Variants in SEPTIN9 observed in about 807,000 individuals in gnomAD.
SEPTIN9 encodes the protein septin 9.
In SEPTIN9, 13 loss-of-function variants were observed where a neutral mutation model predicts 56.6. That is an observed-to-expected ratio of 0.23 (90% confidence interval 0.15 to 0.37). The LOEUF (loss-of-function observed/expected upper bound fraction) is 0.37. Among genes scored for constraint, SEPTIN9 ranks in the 10% least tolerant of loss-of-function variants. The pLI, the probability that SEPTIN9 is intolerant of heterozygous loss-of-function variation, is 1.00. For missense variants in SEPTIN9, 650 were observed against 823.1 expected (o/e 0.79, Z 2.57); for synonymous variants, 332 against 334.1 (o/e 0.99, Z 0.07).
chr17:77,382,221 G>A (rs893367347), intron 2 of SEPTIN9, among the ~76,000 whole-genome samples: 6 of 152,118 alleles, frequency 3.9e-5, no homozygotes, highest in South Asian at 2.1e-4. Flanking sequence ...TAGAGACAAG[G>A]TTTCATCCTG....
Position 77,451,345 on chromosome 17 carries a change from C to T in SEPTIN9, c.722-30799C>T. The stretch of plus-strand genomic sequence containing the variant: ...TCGCCCTGCCCCCTTGGAGCAATTC[C>T]CCACCGAGCCTCCCTTCCCAGGCAG... On this transcript the variant is annotated intron_variant, in intron 3 of 11. Coordinates refer to ENST00000427177, the MANE Select transcript of SEPTIN9 (RefSeq NM_001113491.2). The surrounding 1 kb of genome is among the most constrained non-coding windows in gnomAD (Gnocchi z 4.2). 1.0e-6 allele frequency: 1 copy of T among 985,814 alleles called. No homozygotes were observed. Among genetic ancestry groups the T allele is most frequent in the Non-Finnish European group, 1.2e-6 (1 of 830,058 alleles). The allele number at this position is 985,814 out of a possible 1,614,324, so 61.1% of individuals were successfully genotyped here.
intron 1 of SEPTIN9, chr17:77,288,289 C>A (rs1366438790): frequency 1.1e-6 from 1 of 894,924 alleles, no homozygotes; most frequent in Non-Finnish European, 1.4e-6. Flanking sequence ...TGGCCGGGGC[C>A]CTCTGCTTTT....
intron 3 of SEPTIN9, among the ~76,000 whole-genome samples, chr17:77,444,102 G>A (rs991049274): frequency 3.9e-5 from 6 of 152,156 alleles, no homozygotes; most frequent in African/African-American, 1.4e-4. Flanking sequence ...GATTTTAGGT[G>A]GGGTTTGCGA....
In SEPTIN9 at chr17:77,402,245, C is replaced by T. The variant is rs775564155; in HGVS notation, c.263C>T (p.Ala88Val). The part of the protein sequence containing the change: ...VDSLSQRSPK[A>V]SLRRVELSGP... ...TCCCTAAGCCAACGCTCCCCCAAGG[C>T]GTCCCTGCGGAGGGTGGAGCTCTCG... Residue 88 changes from alanine (A) to valine (V), a missense_variant, in exon 3 of 12, where the codon GCG (alanine) becomes GTG (valine). Physicochemically the swap from Ala to Val is moderately conservative, Grantham distance 64 (BLOSUM62 0). This residue lies in a region of SEPTIN9 where 317 missense variants were observed against 329.1 expected (regional missense o/e 0.96). Transcript: ENST00000427177. This position sits in a 1 kb window ranked among gnomAD's most constrained non-coding sequence, Gnocchi z 6.6. 3.1e-5 allele frequency: 50 copies of T among 1,613,148 alleles called. No homozygotes were observed. The South Asian group carries it at 4.5e-4, about 15-fold the overall frequency.
chr17:77,481,492 C>T (rs2039454107), intron 3 of SEPTIN9, among the ~76,000 whole-genome samples: 1 of 151,158 alleles, frequency 6.6e-6, no homozygotes, highest in African/African-American at 2.5e-5. Context: ...ACTGCTGGCT[C>T]GTTCTATGGG....
intron 2 of SEPTIN9, among the ~76,000 whole-genome samples, chr17:77,398,002 C>A (rs2035779692): frequency 7.0e-6 from 1 of 141,886 alleles, no homozygotes; most frequent in Non-Finnish European, 1.5e-5. Flanking sequence ...GAGACAGAGT[C>A]TCACTCTGTC....
intron 3 of SEPTIN9, among the ~76,000 whole-genome samples, chr17:77,473,154 G>A (rs894860644): frequency 3.3e-5 from 5 of 152,174 alleles, no homozygotes; most frequent in Admixed American, 6.5e-5. Context: ...TCCTCCTGCC[G>A]GAGCTCAGGG....
intron 2 of SEPTIN9, among the ~76,000 whole-genome samples, chr17:77,311,464 C>A (rs1015558083): frequency 6.6e-6 from 1 of 152,120 alleles, no homozygotes; most frequent in Non-Finnish European, 1.5e-5. Flanking sequence ...TCACAGGGGA[C>A]GCCTGCACAA....
rs375100784 is a variant in SEPTIN9 at position 77,391,402 on chromosome 17, T to C, written c.77-10657T>C. ...TGGCGTTCCTTGGCCTGCAGACGCA[T>C]CACCATCATCTCTGATCTCTGGCCC... is the stretch of plus-strand genomic sequence containing the variant. On this transcript the variant is annotated intron_variant, in intron 2 of 11. Transcript: ENST00000427177. 2.0e-4 allele frequency among the ~76,000 whole-genome samples: 30 copies of C among 152,282 alleles called. No individual in the cohort carries two copies. The South Asian group carries it at 2.7e-3, about 14-fold the overall frequency.
chr17:77,469,367 G>A (rs1395087564), intron 3 of SEPTIN9: 2 of 152,592 alleles, frequency 1.3e-5, no homozygotes, highest in Non-Finnish European at 2.9e-5. Flanking sequence ...GAAGGGCTGG[G>A]TGGTCGTCAT....
intron 3 of SEPTIN9, chr17:77,466,432 A>G: frequency 1.0e-6 from 1 of 985,390 alleles, no homozygotes; most frequent in South Asian, 4.7e-5. Context: ...ACAGGCTCCC[A>G]CCCCAGGAGC....
chr17:77,355,709 G>A (rs1406859041), intron 2 of SEPTIN9, among the ~76,000 whole-genome samples: 2 of 152,070 alleles, frequency 1.3e-5, no homozygotes, highest in African/African-American at 2.4e-5. Context: ...CTGGCCGGGC[G>A]CGGTGGCTCA....
chr17:77,292,113 CTG>C (rs1053060029), intron 1 of SEPTIN9, among the ~76,000 whole-genome samples: 30 of 152,324 alleles, frequency 2.0e-4, no homozygotes, highest in Admixed American at 7.2e-4. Context: ...CAAGACGCAT[CTG>C]TACCCCCGGA....
chr17:77,350,655 C>T (rs2034030213), intron 2 of SEPTIN9, among the ~76,000 whole-genome samples: 1 of 141,938 alleles, frequency 7.0e-6, no homozygotes, highest in Non-Finnish European at 1.5e-5. Flanking sequence ...ATGCATTACA[C>T]CCTTCTACAG....
At chr17:77,346,154 C>G (rs1306801260) in intron 2 of SEPTIN9, among the ~76,000 whole-genome samples, 1 of 151,914 alleles carries the variant, frequency 6.6e-6, no homozygotes, top group Admixed American at 6.6e-5. Flanking sequence ...GTTGGCCAGG[C>G]TGGTCTTGAA....
chr17:77,302,239 G>T (rs1222271921), intron 1 of SEPTIN9, among the ~76,000 whole-genome samples: 1 of 152,126 alleles, frequency 6.6e-6, no homozygotes, highest in African/African-American at 2.4e-5. Flanking sequence ...AAGGCAGGAG[G>T]ATTGCTTGAG....
chr17:77,376,434 C>T, intron 2 of SEPTIN9: 2 of 977,434 alleles, frequency 2.0e-6, no homozygotes, highest in Non-Finnish European at 2.4e-6. Context: ...CTGCCAGCTC[C>T]TTACAGCGCT....
intron 1 of SEPTIN9, among the ~76,000 whole-genome samples, chr17:77,288,966 C>G (rs2031405840): frequency 6.6e-6 from 1 of 152,204 alleles, no homozygotes; most frequent in Non-Finnish European, 1.5e-5. Flanking sequence ...GCATCAGAGA[C>G]CCAAGGTGTG....
intron 2 of SEPTIN9, among the ~76,000 whole-genome samples, chr17:77,355,495 C>A (rs1347041815): frequency 1.8e-4 from 27 of 152,182 alleles, no homozygotes; most frequent in Non-Finnish European, 2.9e-5. Flanking sequence ...TGGCCCACTG[C>A]TGTGGCTGTT....
Sources: allele counts gnomAD v4.1 joint callset (sites outside exome capture counted in the v4.1 genomes callset), GRCh38; gene constraint gnomAD v4.1.1; regional missense constraint gnomAD v4.1.1; non-coding constraint Gnocchi (gnomAD v3.1); transcripts MANE v1.5; gene names NCBI Gene and HGNC (gene_info 2026-07-23, HGNC 2026-07-21).